The following WDR5B variants were observed in gnomAD, a reference collection of about 807,000 sequenced individuals.
The protein encoded by WDR5B is WD repeat-containing protein 5B.
Under a neutral mutation model 24.0 loss-of-function variants are expected in WDR5B, and 17 were observed. The ratio of observed to expected loss-of-function variants is 0.71; its 90% CI spans 0.49 to 1.06. WDR5B has a LOEUF of 1.06. Ranked by LOEUF, WDR5B falls within the 50% of genes least tolerant of loss-of-function variation. WDR5B has a pLI of 0.00. For missense variants in WDR5B, 368 were observed against 384.1 expected (o/e 0.96, Z 0.35); for synonymous variants, 150 against 146.4 (o/e 1.02, Z -0.18).
At position 122,415,748 on chromosome 3, in the gene WDR5B, G is replaced by A. The variant is rs1223462842; in HGVS notation, c.-220C>T. 1 of 549,056 alleles carries A rather than the reference G, an allele frequency of 1.8e-6. No homozygotes were observed. Among genetic ancestry groups the A allele is most frequent in the Non-Finnish European group, 3.2e-6 (1 of 312,786 alleles). The allele number at this position is 549,056 out of a possible 1,614,324, so 34.0% of individuals were successfully genotyped here. A position where few individuals can be genotyped will look rare whatever the true frequency, so the allele number is the denominator to read the frequency against. ...TTTCATCTTTTTGTTAAGTACTTGA[G>A]AAATACTGTTAGAAGGATCCTGTGC... On this transcript the variant is annotated 5_prime_UTR_variant, in exon 1 of 1. Transcript: ENST00000330689.
In WDR5B at chr3:122,412,184, TCA is replaced by T. The variant is rs2075708965; in HGVS notation, c.*2350_*2351del. The T allele has an allele frequency of 6.6e-6, 1 of 152,234 alleles. No homozygotes were observed. The highest frequency in any genetic ancestry group is 6.5e-5 in the Admixed American group (1 of 15,290). The allele number at this position is 152,234 out of a possible 1,614,324, so 9.4% of individuals were successfully genotyped here. ...GGAGACAGTTTTGCCCTTGTTGCTT[TCA>T]GTTAAATTATTGTGCTATTTTTTGC... On this transcript the variant is annotated 3_prime_UTR_variant, in exon 1 of 1. Coordinates refer to ENST00000330689, the MANE Select transcript of WDR5B (RefSeq NM_019069.4).
chr3:122,415,158 T>A lies in WDR5B; in HGVS notation c.371A>T (p.His124Leu), dbSNP rs148507876. ...SGKCLKTLKGHSNYVFCCNFN... is the reference protein window; with the variant it reads ...SGKCLKTLKGLSNYVFCCNFN... ...GTTACAACAAAAGACATAATTACTGTGCCCCTTCAGTGTTTTCAAACATTT... is the reference window on the plus strand; with the variant it reads ...GTTACAACAAAAGACATAATTACTGAGCCCCTTCAGTGTTTTCAAACATTT... The change falls in exon 1 of 1, where the codon CAC (histidine) becomes CTC (leucine). Residue 124 changes from histidine (H) to leucine (L), a missense_variant. His to Leu is a moderately conservative substitution (Grantham distance 99). Coordinates refer to ENST00000330689, the MANE Select transcript of WDR5B (RefSeq NM_019069.4). The A allele has an allele frequency of 2.7e-5, 43 of 1,614,112 alleles. No homozygotes were observed. In the African/African-American group the frequency reaches 5.3e-4, roughly 20 times the overall value.
rs1560004880 is a variant in WDR5B at position 122,413,881 on chromosome 3, G to A, written c.*655C>T. The A allele has an allele frequency of 6.6e-6, 1 of 152,012 alleles. No homozygotes were observed. The highest frequency in any genetic ancestry group is 1.5e-5 in the Non-Finnish European group (1 of 68,104). The allele number at this position is 152,012 out of a possible 1,614,324, so 9.4% of individuals were successfully genotyped here. ...CCTAAGGGTCCATCAAGAGATGACT[G>A]GATAAAGAAAATGTGGTGTATATAC... On this transcript the variant is annotated 3_prime_UTR_variant, in exon 1 of 1. Transcript: ENST00000330689.
At position 122,415,651 on chromosome 3, in the gene WDR5B, T is replaced by A; in HGVS notation, c.-123A>T. 4 of 1,317,946 alleles carry A rather than the reference T, an allele frequency of 3.0e-6. No individual in the cohort carries two copies. The highest frequency in any genetic ancestry group is 2.7e-4 in the Middle Eastern group (1 of 3,690). 81.6% of individuals were successfully genotyped at this position (1,317,946 alleles called of 1,614,324 possible). ...GCACAGGATTTTAAAATGTACAGTTTTGAAAGCTTAAAGTTTCTGGACAGT... is the reference window on the plus strand; with the variant it reads ...GCACAGGATTTTAAAATGTACAGTTATGAAAGCTTAAAGTTTCTGGACAGT... On this transcript the variant is annotated 5_prime_UTR_variant, in exon 1 of 1. Coordinates refer to ENST00000330689, the MANE Select transcript of WDR5B (RefSeq NM_019069.4).
chr3:122,415,025 G>C lies in WDR5B; in HGVS notation c.504C>G (p.Asp168Glu), dbSNP rs1393865425. The change falls in exon 1 of 1, where the codon GAC becomes GAG. Residue 168 changes from aspartate to glutamate, a missense_variant. Transcript: ENST00000330689. ...KCLKTLSAHS[D>E]PVSAVHFNCS... ...AATTAAAATGAACAGCAGAAACTGG[G>C]TCAGAATGAGCAGACAAAGTCTTGA... 2 of 1,614,030 alleles carry C rather than the reference G, an allele frequency of 1.2e-6. No individual in the cohort carries two copies. Among genetic ancestry groups the C allele is most frequent in the Non-Finnish European group, 1.7e-6 (2 of 1,180,052 alleles).
chr3:122,412,411 G>GA lies in WDR5B; in HGVS notation c.*2124dup, dbSNP rs1560004439. On this transcript the variant is annotated 3_prime_UTR_variant, in exon 1 of 1. Coordinates refer to ENST00000330689, the MANE Select transcript of WDR5B (RefSeq NM_019069.4). ...AAATTTATCAAAGCAGGCAAGGAAT[G>GA]AAGTTGTATCCTTCACTGTCAAACA... 6.6e-6 allele frequency: 1 copy of GA among 152,190 alleles called. No individual in the cohort carries two copies. Among genetic ancestry groups the GA allele is most frequent in the Non-Finnish European group, 1.5e-5 (1 of 68,030 alleles). The allele number at this position is 152,190 out of a possible 1,614,324, so 9.4% of individuals were successfully genotyped here.
At position 122,414,054 on chromosome 3, in the gene WDR5B, A is replaced by G. The variant is rs1337525158; in HGVS notation, c.*482T>C. On this transcript the variant is annotated 3_prime_UTR_variant, in exon 1 of 1. Transcript: ENST00000330689. ...ATGAAATCTTATCTTTTGCAACAAC[A>G]TGGATGGACCTGGAGGCCATTAAGT... 6.3e-6 allele frequency: 1 copy of G among 159,482 alleles called. No individual in the cohort carries two copies. Among genetic ancestry groups the G allele is most frequent in the African/African-American group, 2.4e-5 (1 of 41,314 alleles). 9.9% of individuals were successfully genotyped at this position (159,482 alleles called of 1,614,324 possible). A position where few individuals can be genotyped will look rare whatever the true frequency, so the allele number is the denominator to read the frequency against.
chr3:122,415,343 A>G lies in WDR5B; in HGVS notation c.186T>C (p.Asp62=), dbSNP rs1560005896. 1 of 1,614,264 alleles carries G rather than the reference A, an allele frequency of 6.2e-7. No individual in the cohort carries two copies. Among genetic ancestry groups the G allele is most frequent in the Non-Finnish European group, 8.5e-7 (1 of 1,180,054 alleles). Residue 62 remains aspartate, a synonymous_variant, in exon 1 of 1, where the codon GAT becomes GAC. Transcript: ENST00000330689. ...ATGCTCCCCAAATTATGATTAGCCTATCAGCAGAAGAACTTGCTAGCCATT... is the reference window on the plus strand; with the variant it reads ...ATGCTCCCCAAATTATGATTAGCCTGTCAGCAGAAGAACTTGCTAGCCATT... ...NGEWLASSSA[D]RLIIIWGAYD...
Position 122,414,385 on chromosome 3 carries a change from C to G in WDR5B, c.*151G>C. On this transcript the variant is annotated 3_prime_UTR_variant, in exon 1 of 1. Transcript: ENST00000330689. ...CTGAATTCTAGATGTGCTTTTTCAACTATCTCATTTTGTAAATGTAGTGTA... is the reference window on the plus strand; with the variant it reads ...CTGAATTCTAGATGTGCTTTTTCAAGTATCTCATTTTGTAAATGTAGTGTA... 3.1e-6 allele frequency: 3 copies of G among 967,372 alleles called. No homozygotes were observed. Among genetic ancestry groups the G allele is most frequent in the Non-Finnish European group, 4.4e-6 (3 of 680,886 alleles). The allele number at this position is 967,372 out of a possible 1,614,324, so 59.9% of individuals were successfully genotyped here. A position where few individuals can be genotyped will look rare whatever the true frequency, so the allele number is the denominator to read the frequency against.
At position 122,414,809 on chromosome 3, in the gene WDR5B, G is replaced by C. The variant is rs546211200; in HGVS notation, c.720C>G (p.Ser240Arg). Reference protein sequence around the residue: ...LDNTLKLWDYSRGRCLKTYTG... With the variant: ...LDNTLKLWDYRRGRCLKTYTG... Reference sequence around the variant, plus strand: ...TGTATGTTTTCAGGCACCTGCCTCTGCTATAATCCCATAGTTTAAGAGTGT... The same window carrying C: ...TGTATGTTTTCAGGCACCTGCCTCTCCTATAATCCCATAGTTTAAGAGTGT... The change falls in exon 1 of 1, where the codon AGC (serine) becomes AGG (arginine). Residue 240 changes from serine to arginine, a missense_variant. Transcript: ENST00000330689. 5.0e-6 allele frequency: 8 copies of C among 1,614,126 alleles called. No individual in the cohort carries two copies. The highest frequency in any genetic ancestry group is 6.8e-6 in the Non-Finnish European group (8 of 1,180,038).
chr3:122,415,645 A>G lies in WDR5B; in HGVS notation c.-117T>C. 2 of 1,352,554 alleles carry G rather than the reference A, an allele frequency of 1.5e-6. No homozygotes were observed. The highest frequency in any genetic ancestry group is 2.0e-6 in the Non-Finnish European group (2 of 995,076). The allele number at this position is 1,352,554 out of a possible 1,614,324, so 83.8% of individuals were successfully genotyped here. The stretch of plus-strand genomic sequence containing the variant: ...ATAAACGCACAGGATTTTAAAATGT[A>G]CAGTTTTGAAAGCTTAAAGTTTCTG... On this transcript the variant is annotated 5_prime_UTR_variant, in exon 1 of 1. Coordinates refer to ENST00000330689, the MANE Select transcript of WDR5B (RefSeq NM_019069.4).
rs1186949223 is a variant in WDR5B at position 122,414,853 on chromosome 3, G to C, written c.676C>G (p.Leu226Val). 1.2e-6 allele frequency: 2 copies of C among 1,614,018 alleles called. No individual in the cohort carries two copies. The highest frequency in any genetic ancestry group is 1.7e-6 in the Non-Finnish European group (2 of 1,180,042). ...AGAGTGTTGTCCAAAGTTGCAGTGA[G>C]AATGTATTTACCATTTGGAGAAAAT... ...VKFSPNGKYI[L>V]TATLDNTLKL... The change falls in exon 1 of 1, where the codon CTC (leucine) becomes GTC (valine). Residue 226 changes from leucine to valine, a missense_variant. Coordinates refer to ENST00000330689, the MANE Select transcript of WDR5B (RefSeq NM_019069.4).
chr3:122,414,252 G>GTA lies in WDR5B; in HGVS notation c.*282_*283dup. The GTA allele has an allele frequency of 2.2e-6, 1 of 459,154 alleles. No homozygotes were observed. The highest frequency in any genetic ancestry group is 2.4e-5 in the South Asian group (1 of 40,934). The allele number at this position is 459,154 out of a possible 1,614,324, so 28.4% of individuals were successfully genotyped here. ...TACAATGTATACTATTTGGGTGAGG[G>GTA]TATACTAAGCCCAGATTTCACCACT... On this transcript the variant is annotated 3_prime_UTR_variant, in exon 1 of 1. Transcript: ENST00000330689.
rs2075710442 is a variant in WDR5B, at chr3:122,412,497, TC to T, written c.*2038del. ...GAATACAAGAATACAGAGACATACT[TC>T]CTGATTCCACAGAACTCATAATCTG... On this transcript the variant is annotated 3_prime_UTR_variant, in exon 1 of 1. Coordinates refer to ENST00000330689, the MANE Select transcript of WDR5B (RefSeq NM_019069.4). The T allele has an allele frequency of 6.6e-6, 1 of 152,188 alleles. No individual in the cohort carries two copies. The highest frequency in any genetic ancestry group is 2.1e-4 in the South Asian group (1 of 4,824). 9.4% of individuals were successfully genotyped at this position (152,188 alleles called of 1,614,324 possible).
At position 122,415,588 on chromosome 3, in the gene WDR5B, A is replaced by G; in HGVS notation, c.-60T>C. The stretch of plus-strand genomic sequence containing the variant: ...CGTTCAGCCCTGAACCAGGCAGTCC[A>G]GTACTTTGGCTTTCTGCCCAGCAAA... On this transcript the variant is annotated 5_prime_UTR_variant, in exon 1 of 1. Coordinates refer to ENST00000330689, the MANE Select transcript of WDR5B (RefSeq NM_019069.4). The G allele has an allele frequency of 2.0e-6, 3 of 1,527,494 alleles. No homozygotes were observed. The highest frequency in any genetic ancestry group is 2.6e-6 in the Non-Finnish European group (3 of 1,141,056). The allele number at this position is 1,527,494 out of a possible 1,614,324, so 94.6% of individuals were successfully genotyped here.
rs764174124 is a variant in WDR5B at position 122,414,629 on chromosome 3, CACA to C, written c.897_899del (p.Val300del). 4.0e-5 allele frequency: 64 copies of C among 1,614,162 alleles called. No individual in the cohort carries two copies. Among genetic ancestry groups the C allele is most frequent in the Non-Finnish European group, 5.2e-5 (61 of 1,180,034 alleles). Reference sequence around the variant, plus strand: ...CTGTAGGATGACAAGCTGCTGAGATCACAACATCTGTATGGCCTTGTAATTTCT... The same window carrying C: ...CTGTAGGATGACAAGCTGCTGAGATCACATCTGTATGGCCTTGTAATTTCT... On this transcript the variant is annotated inframe_deletion, in exon 1 of 1. Coordinates refer to ENST00000330689, the MANE Select transcript of WDR5B (RefSeq NM_019069.4).
rs367724609 is a variant in WDR5B, at chr3:122,414,523, A to G, written c.*13T>C. On this transcript the variant is annotated 3_prime_UTR_variant, in exon 1 of 1. Coordinates refer to ENST00000330689, the MANE Select transcript of WDR5B (RefSeq NM_019069.4). ...TTGGCCAACTTGGCTCTACTACTTG[A>G]TTTTCAAAGGGATTAGTGGTTACTC... 5.6e-5 allele frequency: 88 copies of G among 1,585,178 alleles called. No individual in the cohort carries two copies. The highest frequency in any genetic ancestry group is 7.3e-5 in the Non-Finnish European group (85 of 1,163,142).
rs2075732705 is a variant in WDR5B at position 122,415,857 on chromosome 3, C to CT, written c.-330dup. 4.1e-6 allele frequency: 1 copy of CT among 245,872 alleles called. No homozygotes were observed. The highest frequency in any genetic ancestry group is 5.3e-5 in the Admixed American group (1 of 18,948). The allele number at this position is 245,872 out of a possible 1,614,324, so 15.2% of individuals were successfully genotyped here. A position where few individuals can be genotyped will look rare whatever the true frequency, so the allele number is the denominator to read the frequency against. On this transcript the variant is annotated 5_prime_UTR_variant, in exon 1 of 1. Coordinates refer to ENST00000330689, the MANE Select transcript of WDR5B (RefSeq NM_019069.4). ...GCAGGGGCGACGCGAGGGGCACTCT[C>CT]TACAGAAAGTATTCTTTCACCGCCG... is the stretch of plus-strand genomic sequence containing the variant.
rs2075723102 is a variant in WDR5B, at chr3:122,414,682, T to A, written c.847A>T (p.Asn283Tyr). The change falls in exon 1 of 1, where the codon AAC becomes TAC. Residue 283 changes from asparagine (N) to tyrosine (Y), a missense_variant. Transcript: ENST00000330689. Reference sequence around the variant, plus strand: ...TGCACAATCTCTTTAGTCTGAAGGTTCCAAATGTAAACCAGGTTATCCTCG... The same window carrying A: ...TGCACAATCTCTTTAGTCTGAAGGTACCAAATGTAAACCAGGTTATCCTCG... Reference protein sequence around the residue: ...GSEDNLVYIWNLQTKEIVQKL... With the variant: ...GSEDNLVYIWYLQTKEIVQKL... 1.2e-6 allele frequency: 2 copies of A among 1,614,088 alleles called. No homozygotes were observed. Among genetic ancestry groups the A allele is most frequent in the African/African-American group, 1.3e-5 (1 of 74,926 alleles).
Sources: allele counts gnomAD v4.1 joint callset, GRCh38; gene constraint gnomAD v4.1.1; transcripts MANE v1.5; gene names NCBI Gene and HGNC (gene_info 2026-07-23, HGNC 2026-07-21).